The following MEIOB variants were observed in gnomAD, a reference collection of about 807,000 sequenced individuals.
MEIOB encodes meiosis-specific with OB domain-containing protein.
MEIOB carries 50 observed loss-of-function variants against 53.1 expected under a neutral mutation model. The observed-to-expected ratio is 0.94, with a 90% CI of 0.75 to 1.19. The LOEUF (loss-of-function observed/expected upper bound fraction) is 1.19. Ranked by LOEUF, MEIOB falls within the 50% of genes most tolerant of loss-of-function variation. The pLI is 0.00. For missense variants in MEIOB, 551 were observed against 550.8 expected (o/e 1.00, Z 0.00); for synonymous variants, 192 against 182.5 (o/e 1.05, Z -0.42).
In MEIOB at chr16:1,868,137, A is replaced by G. The variant is rs1238710238; in HGVS notation, c.39T>C (p.Leu13=). 24 of 1,534,692 alleles carry G rather than the reference A, an allele frequency of 1.6e-5. No homozygotes were observed. Among genetic ancestry groups the G allele is most frequent in the Non-Finnish European group, 2.0e-5 (23 of 1,135,246 alleles). ...NSFAARIFTT[L]SDLQTNMANL... ...TAGCCATATTTGTCTGCAGATCTGA[A>G]AGGGTAGTGAAAATCCTCGCTGCAA... The change falls in exon 2 of 14, where the codon CTT becomes CTC. Residue 13 remains leucine, a synonymous_variant. Transcript: ENST00000325962.
intron 5 of MEIOB, among the ~76,000 whole-genome samples, chr16:1,860,076 G>A (rs1484629237): frequency 6.6e-6 from 1 of 152,208 alleles, no homozygotes; most frequent in Non-Finnish European, 1.5e-5. Flanking sequence ...GTAAGCCTGT[G>A]AGTAGAAGGA....
Position 1,844,851 on chromosome 16 carries a change from C to T in MEIOB, c.880+11G>A, listed in dbSNP as rs9806825. 19 of 1,417,608 alleles carry T rather than the reference C, an allele frequency of 1.3e-5. No individual in the cohort carries two copies. Among genetic ancestry groups the T allele is most frequent in the South Asian group, 1.2e-4 (10 of 80,888 alleles). The allele number at this position is 1,417,608 out of a possible 1,614,324, so 87.8% of individuals were successfully genotyped here. ...TTAAAAAAATCCAAATATATTTAAA[C>T]GGTCACTTACAATTTATGGATTCTT... On this transcript the variant is annotated intron_variant, in intron 10 of 13. Transcript: ENST00000325962.
Position 1,839,275 on chromosome 16 carries a change from C to T in MEIOB, c.1198G>A (p.Glu400Lys). The change falls in exon 12 of 14, where the codon GAG becomes AAG. Residue 400 changes from glutamate (E) to lysine (K), a missense_variant. By Grantham distance (56) the Glu-to-Lys change is moderately conservative. Coordinates refer to ENST00000325962, the MANE Select transcript of MEIOB (RefSeq NM_001163560.3). ...HSCSLTGSVAEETLGCTVHEF... is the reference protein window; with the variant it reads ...HSCSLTGSVAKETLGCTVHEF... ...TTTACCGTGCAGCCCAAAGTCTCCTCAGCAACACTTCCTGTGAGACTACAG... is the reference window on the plus strand; with the variant it reads ...TTTACCGTGCAGCCCAAAGTCTCCTTAGCAACACTTCCTGTGAGACTACAG... 1 of 1,611,848 alleles carries T rather than the reference C, an allele frequency of 6.2e-7. No individual in the cohort carries two copies.
chr16:1,860,213 C>A (rs1053041357), intron 5 of MEIOB, among the ~76,000 whole-genome samples, 190 bp downstream of exon 5: 2 of 152,170 alleles, frequency 1.3e-5, no homozygotes, highest in African/African-American at 4.8e-5. Flanking sequence ...AAACCAAAGC[C>A]ATTTATCATG....
chr16:1,844,444 CTTTTA>C (rs1342144709), intron 10 of MEIOB, among the ~76,000 whole-genome samples: 1 of 151,660 alleles, frequency 6.6e-6, no homozygotes, highest in Non-Finnish European at 1.5e-5. Context: ...TATTGTGTTT[CTTTTA>C]TTTTTTTATT....
intron 12 of MEIOB, chr16:1,838,150 C>G: frequency 1.9e-6 from 1 of 526,772 alleles, no homozygotes; most frequent in Non-Finnish European, 3.4e-6. Context: ...CACTACTCTT[C>G]TCTGGCTAAT....
chr16:1,867,944 A>C (rs1899635307), intron 2 of MEIOB, among the ~76,000 whole-genome samples, 163 bp downstream of exon 2: 1 of 152,154 alleles, frequency 6.6e-6, no homozygotes, highest in African/African-American at 2.4e-5. Context: ...CATAAATACA[A>C]AGAAATTTAG....
At chr16:1,852,681 G>A (rs181672751) in intron 9 of MEIOB, among the ~76,000 whole-genome samples, 22 of 151,864 alleles carry the variant, frequency 1.4e-4, no homozygotes, top group African/African-American at 4.8e-4. Flanking sequence ...TCAGTCTCCC[G>A]AGTAGCTGGG....
At chr16:1,863,327 G>A (rs898629705) in intron 3 of MEIOB, among the ~76,000 whole-genome samples, 1 of 150,312 alleles carries the variant, frequency 6.7e-6, no homozygotes, top group African/African-American at 2.5e-5. Context: ...GGCTACAGAC[G>A]CACACCACCA....
intron 9 of MEIOB, among the ~76,000 whole-genome samples, chr16:1,849,978 A>G (rs1202788795): frequency 6.6e-6 from 1 of 152,230 alleles, no homozygotes; most frequent in Non-Finnish European, 1.5e-5. Flanking sequence ...TTTTTTGTCA[A>G]TTAAAAAGTT....
intron 3 of MEIOB, among the ~76,000 whole-genome samples, chr16:1,863,548 G>C (rs947831732): frequency 1.3e-5 from 2 of 151,646 alleles, no homozygotes; most frequent in South Asian, 4.2e-4. Flanking sequence ...CACCATGCCT[G>C]GCTAATTTTG....
intron 3 of MEIOB, among the ~76,000 whole-genome samples, chr16:1,863,061 T>G (rs979721634): frequency 1.3e-5 from 2 of 151,944 alleles, no homozygotes; most frequent in Admixed American, 1.3e-4. Context: ...GGACACCATC[T>G]CTACAGAAAA....
chr16:1,858,253 C>T (rs868081544), intron 5 of MEIOB, among the ~76,000 whole-genome samples: 2 of 152,280 alleles, frequency 1.3e-5, no homozygotes, highest in Middle Eastern at 6.8e-3. Flanking sequence ...TTATACAAAC[C>T]CAAGGACTGG....
intron 9 of MEIOB, 140 bp downstream of exon 9, chr16:1,852,899 T>TA: frequency 4.9e-6 from 3 of 606,096 alleles, no homozygotes; most frequent in South Asian, 2.3e-5. Flanking sequence ...TGTAAGTTTT[T>TA]AAAAAAGTTA....
intron 3 of MEIOB, 57 bp from the exon 4 acceptor site, chr16:1,862,173 C>G: frequency 7.1e-7 from 1 of 1,411,750 alleles, no homozygotes; most frequent in Non-Finnish European, 9.7e-7. Context: ...CGCTTCTCTG[C>G]CTTTTGATAA....
At chr16:1,869,067 T>C (rs1899666889) in intron 1 of MEIOB, among the ~76,000 whole-genome samples, 1 of 152,156 alleles carries the variant, frequency 6.6e-6, no homozygotes, top group South Asian at 2.1e-4. Context: ...ATGTAAAATT[T>C]AGTAGTTTTT....
At chr16:1,855,305 G>T (rs5006372) in intron 6 of MEIOB, among the ~76,000 whole-genome samples, 125,405 of 151,872 alleles carry the variant, frequency 0.83, 51,904 homozygotes, top group Middle Eastern at 0.9. Context: ...GGTGGTACAC[G>T]CCTGTAGTCC....
intron 13 of MEIOB, among the ~76,000 whole-genome samples, chr16:1,836,645 A>G (rs1898756653): frequency 6.6e-6 from 1 of 151,902 alleles, no homozygotes; most frequent in Non-Finnish European, 1.5e-5. Context: ...CAAACTATTC[A>G]GATGTGTTGG....
chr16:1,865,757 A>G (rs1195359926), intron 3 of MEIOB, 21 bp downstream of exon 3: 1 of 1,531,108 alleles, frequency 6.5e-7, no homozygotes, highest in Non-Finnish European at 8.8e-7. Context: ...AAATGAAACC[A>G]AGAGTTAAAC....
Sources: gnomAD v4.1 joint callset for allele counts (sites outside exome capture counted in the v4.1 genomes callset) on GRCh38, gnomAD v4.1.1 for gene constraint, MANE v1.5 for transcripts, NCBI Gene and HGNC (gene_info 2026-07-23, HGNC 2026-07-21) for gene names.